The following SLC10A7 variants were observed in gnomAD, a reference collection of about 807,000 sequenced individuals.
SLC10A7 encodes solute carrier family 10 member 7.
SLC10A7 carries 29 observed loss-of-function variants against 43.2 expected under a neutral mutation model. The ratio of observed to expected loss-of-function variants is 0.67; its 90% confidence interval spans 0.50 to 0.92. The LOEUF (loss-of-function observed/expected upper bound fraction) is 0.92. Among genes scored for constraint, SLC10A7 ranks in the 40% least tolerant of loss-of-function variants. The pLI is 0.00. For synonymous variants in SLC10A7, 152 were observed against 144.8 expected (o/e 1.05, Z -0.35); for missense variants, 295 against 403.2 (o/e 0.73, Z 2.30).
intron 5 of SLC10A7, among the ~76,000 whole-genome samples, chr4:146,329,470 T>C (rs1284546148): frequency 6.6e-6 from 1 of 152,242 alleles, no homozygotes; most frequent in Non-Finnish European, 1.5e-5. Context: ...GGTACTATTA[T>C]TATATTATCC....
intron 5 of SLC10A7, among the ~76,000 whole-genome samples, chr4:146,430,865 C>T (rs1729729334): frequency 6.6e-6 from 1 of 152,006 alleles, no homozygotes; most frequent in Admixed American, 6.5e-5. Context: ...TTTTTTTCCC[C>T]TGATCAGTGC....
chr4:146,434,068 T>C (rs1730005248), intron 5 of SLC10A7, among the ~76,000 whole-genome samples: 2 of 152,096 alleles, frequency 1.3e-5, no homozygotes, highest in Non-Finnish European at 2.9e-5. Context: ...TTATAGATTA[T>C]ATTCTACATT....
intron 10 of SLC10A7, among the ~76,000 whole-genome samples, chr4:146,271,171 G>C (rs1346452143): frequency 6.6e-6 from 1 of 152,166 alleles, no homozygotes; most frequent in Non-Finnish European, 1.5e-5. Flanking sequence ...TCCATAGCCT[G>C]CAAACTTCAG....
intron 5 of SLC10A7, among the ~76,000 whole-genome samples, chr4:146,328,404 T>C (rs1733306598): frequency 6.6e-6 from 1 of 152,198 alleles, no homozygotes; most frequent in South Asian, 2.1e-4. Flanking sequence ...CCAGTGCCTA[T>C]GGACAACATT....
intron 7 of SLC10A7, 84 bp downstream of exon 7, chr4:146,305,842 C>T (rs993852407): frequency 4.2e-6 from 5 of 1,181,890 alleles, no homozygotes; most frequent in Admixed American, 5.9e-5. Flanking sequence ...CTCTGAATAT[C>T]CTTTCTCTCA....
chr4:146,484,250 A>C (rs759198690), intron 4 of SLC10A7, among the ~76,000 whole-genome samples: 1 of 152,196 alleles, frequency 6.6e-6, no homozygotes, highest in Non-Finnish European at 1.5e-5. Flanking sequence ...GCTACTCAGG[A>C]GGCTGAGGCA....
At chr4:146,498,101 C>T (rs868377598) in intron 4 of SLC10A7, among the ~76,000 whole-genome samples, 4 of 151,544 alleles carry the variant, frequency 2.6e-5, no homozygotes, top group South Asian at 4.2e-4. Context: ...TTAGGATTCA[C>T]CAACTCTTAT....
rs565670484 is a variant in SLC10A7, at chr4:146,305,786, T to TGA, written c.555+138_555+139dup. On this transcript the variant is annotated intron_variant, in intron 7 of 11. Coordinates refer to ENST00000335472, the MANE Select transcript of SLC10A7 (RefSeq NM_001029998.6). ...ATAAAAAAGATGAGAATACTGTGAT[T>TGA]GATGAAAGTTTTGTTTTTAGTCTCA... 975 of 706,030 alleles carry TGA rather than the reference T, an allele frequency of 1.4e-3. 20 individuals are homozygous for TGA. In the South Asian group the frequency reaches 0.019, roughly 14 times the overall value. 43.7% of individuals were successfully genotyped at this position (706,030 alleles called of 1,614,324 possible). A position where few individuals can be genotyped will look rare whatever the true frequency, so the allele number is the denominator to read the frequency against.
chr4:146,312,356 A>G (rs1021914199), intron 6 of SLC10A7, among the ~76,000 whole-genome samples: 21 of 152,156 alleles, frequency 1.4e-4, no homozygotes, highest in Admixed American at 1.3e-3. Context: ...TTTGATATAC[A>G]TATATATTAC....
chr4:146,427,488 C>T (rs1285575868), intron 5 of SLC10A7, among the ~76,000 whole-genome samples: 1 of 151,968 alleles, frequency 6.6e-6, no homozygotes, highest in African/African-American at 2.4e-5. Context: ...CTGGAAACTA[C>T]ACAAGATATA....
At chr4:146,387,708 C>A (rs1183001797) in intron 5 of SLC10A7, among the ~76,000 whole-genome samples, 1 of 152,152 alleles carries the variant, frequency 6.6e-6, no homozygotes. Context: ...GGACCCCTAG[C>A]TTTGATAAAT....
intron 5 of SLC10A7, among the ~76,000 whole-genome samples, chr4:146,374,024 C>T (rs1262844924): frequency 6.6e-6 from 1 of 152,158 alleles, no homozygotes; most frequent in Non-Finnish European, 1.5e-5. Context: ...GCAAAAACTG[C>T]CATCAGGTTC....
chr4:146,442,815 C>A lies in SLC10A7; in HGVS notation c.403G>T (p.Ala135Ser). ...CTTCCAAAGGCTGAATTAAATATTG[C>A]AGCTGCCTATGAAGAAAATAAATAG... Reference protein sequence around the residue: ...TKAVGGNEAAAIFNSAFGSFL... With the variant: ...TKAVGGNEAASIFNSAFGSFL... The change falls in exon 5 of 12, where the codon GCA (alanine) becomes TCA (serine). Residue 135 changes from alanine to serine, a missense_variant. Ala to Ser is a moderately conservative substitution (Grantham distance 99). Coordinates refer to ENST00000335472, the MANE Select transcript of SLC10A7 (RefSeq NM_001029998.6). 1.9e-6 allele frequency: 3 copies of A among 1,588,102 alleles called. No homozygotes were observed. Among genetic ancestry groups the A allele is most frequent in the Non-Finnish European group, 2.6e-6 (3 of 1,170,032 alleles).
chr4:146,305,035 G>C (rs1731452343), intron 7 of SLC10A7, among the ~76,000 whole-genome samples: 1 of 151,604 alleles, frequency 6.6e-6, no homozygotes, highest in Non-Finnish European at 1.5e-5. Context: ...CGGGGATCTA[G>C]AACTAGAAAT....
intron 5 of SLC10A7, among the ~76,000 whole-genome samples, chr4:146,341,616 C>T (rs1458803046): frequency 6.6e-6 from 1 of 151,688 alleles, no homozygotes; most frequent in Non-Finnish European, 1.5e-5. Context: ...TTCATTCATT[C>T]AATGCTAATT....
intron 5 of SLC10A7, among the ~76,000 whole-genome samples, chr4:146,326,917 GACACACACACACACAC>G (rs71640636): frequency 2.5e-4 from 37 of 147,520 alleles, no homozygotes; most frequent in African/African-American, 6.3e-4. Flanking sequence ...GAGAGGGACA[GACACACACACACACAC>G]ACACACACAC....
At chr4:146,470,955 T>G (rs1210254852) in intron 4 of SLC10A7, among the ~76,000 whole-genome samples, 5 of 152,228 alleles carry the variant, frequency 3.3e-5, no homozygotes, top group Non-Finnish European at 7.3e-5. Context: ...CAATGCTAAG[T>G]AAAAAACATG....
chr4:146,420,263 G>A lies in SLC10A7; in HGVS notation c.435+22520C>T, dbSNP rs566883931. On this transcript the variant is annotated intron_variant, in intron 5 of 11. Coordinates refer to ENST00000335472, the MANE Select transcript of SLC10A7 (RefSeq NM_001029998.6). Reference sequence around the variant, plus strand: ...ATGAAATGTTTATTTATCTCACAATGGTTTTCTCACCTACATTTCCGGTTT... The same window carrying A: ...ATGAAATGTTTATTTATCTCACAATAGTTTTCTCACCTACATTTCCGGTTT... Among the ~76,000 whole-genome samples, 77 of 152,260 alleles carry A rather than the reference G, an allele frequency of 5.1e-4. 4 individuals carry two copies. The South Asian group carries it at 0.015, about 30-fold the overall frequency.
intron 2 of SLC10A7, among the ~76,000 whole-genome samples, chr4:146,513,000 T>C (rs142272916): frequency 6.6e-6 from 1 of 152,084 alleles, no homozygotes; most frequent in South Asian, 2.1e-4. Flanking sequence ...TAAGTTAAGG[T>C]GCCAAAGAGT....
Sources: allele counts gnomAD v4.1 joint callset (sites outside exome capture counted in the v4.1 genomes callset), GRCh38; gene constraint gnomAD v4.1.1; transcripts MANE v1.5; gene names NCBI Gene and HGNC (gene_info 2026-07-23, HGNC 2026-07-21).